Variants in PSMG2 observed in about 807,000 individuals in gnomAD.
PSMG2 encodes proteasome assembly chaperone 2, also known as CD40 ligand-activated specific transcript 3.
In PSMG2, 21 loss-of-function variants were observed where a neutral mutation model predicts 31.5. The ratio of observed to expected loss-of-function variants is 0.67; its 90% CI spans 0.47 to 0.96. The LOEUF (loss-of-function observed/expected upper bound fraction) is 0.96. Ranked by LOEUF, PSMG2 falls within the 40% of genes least tolerant of loss-of-function variation. PSMG2 has a pLI of 0.00. For synonymous variants in PSMG2, 120 were observed against 110.4 expected, an observed-to-expected ratio of 1.09 and a Z score of -0.54; for missense variants, 318 against 321.2, an observed-to-expected ratio of 0.99 and a Z score of 0.08.
intron 1 of PSMG2, 70 bp downstream of exon 1, chr18:12,703,234 GTGTT>G: frequency 1.4e-6 from 2 of 1,475,292 alleles, no homozygotes; most frequent in Non-Finnish European, 1.8e-6. Context: ...CCGACGCGGG[GTGTT>G]TGGCGGTGCC....
In PSMG2 at chr18:12,690,840, T is replaced by C. The variant is rs143072141; in HGVS notation, c.-36-15710T>C. 1.1e-3 allele frequency among the ~76,000 whole-genome samples: 172 copies of C among 152,258 alleles called. 1 individual carries two copies. The highest frequency in any genetic ancestry group is 7.1e-3 in the East Asian group (37 of 5,186). On this transcript the variant is annotated intron_variant, in intron 1 of 6. Transcript: ENST00000585331. Reference sequence around the variant, plus strand: ...AAAAATGGAGGCAGAGATATATAGTTGAAATGCTTCAGTTAAACATTACTG... The same window carrying C: ...AAAAATGGAGGCAGAGATATATAGTCGAAATGCTTCAGTTAAACATTACTG...
At chr18:12,683,986 AATAT>A (rs977564438) in intron 1 of PSMG2, among the ~76,000 whole-genome samples, 1 of 150,292 alleles carries the variant, frequency 6.7e-6, no homozygotes, top group Non-Finnish European at 1.5e-5. Context: ...AAAAAATCTA[AATAT>A]ATATATGATA....
At chr18:12,664,554 AAAAC>A (rs1201704573) in intron 1 of PSMG2, among the ~76,000 whole-genome samples, 1 of 151,912 alleles carries the variant, frequency 6.6e-6, no homozygotes, top group African/African-American at 2.4e-5. Context: ...CGTCTCAAAA[AAAAC>A]AAAATTTGTA....
intron 1 of PSMG2, chr18:12,662,096 G>C: frequency 2.4e-6 from 1 of 425,518 alleles, no homozygotes; most frequent in Non-Finnish European, 4.6e-6. Context: ...GAGTCTTTCA[G>C]GGAGCACCAT....
chr18:12,697,135 A>G, intron 1 of PSMG2: 1 of 982,030 alleles, frequency 1.0e-6, no homozygotes, highest in Non-Finnish European at 1.5e-6. Context: ...TCCCTCTTGG[A>G]TTATAAAAGC....
chr18:12,674,816 T>A, intron 1 of PSMG2: 1 of 1,022,476 alleles, frequency 9.8e-7, no homozygotes. Context: ...ACCAACTAAA[T>A]AAAAATGTTG....
At chr18:12,660,709 G>A (rs910653091) in intron 1 of PSMG2, among the ~76,000 whole-genome samples, 3 of 151,966 alleles carry the variant, frequency 2.0e-5, no homozygotes, top group Non-Finnish European at 2.9e-5. Flanking sequence ...TTGAGAGGGA[G>A]ACATTACTGC....
chr18:12,721,863 A>C (rs958692986), intron 5 of PSMG2, among the ~76,000 whole-genome samples: 3 of 152,074 alleles, frequency 2.0e-5, no homozygotes, highest in African/African-American at 7.2e-5. Flanking sequence ...ATGTGTTTAC[A>C]GCTGTAAATT....
intron 1 of PSMG2, chr18:12,685,555 A>T (rs1449674882): frequency 6.6e-6 from 1 of 152,218 alleles, no homozygotes; most frequent in Non-Finnish European, 1.5e-5. Context: ...GACGTGGTCA[A>T]GCTGATAGCA....
chr18:12,670,981 AC>A (rs1245156276), intron 1 of PSMG2: 2 of 152,164 alleles, frequency 1.3e-5, no homozygotes, highest in Admixed American at 6.6e-5. Context: ...CTAATTTTCT[AC>A]AGTCATGTCA....
intron 1 of PSMG2, among the ~76,000 whole-genome samples, chr18:12,664,117 A>G (rs1407938092): frequency 6.6e-6 from 1 of 151,982 alleles, no homozygotes; most frequent in Non-Finnish European, 1.5e-5. Flanking sequence ...GTGAGCCGAG[A>G]TCGTGCCATT....
At chr18:12,711,061 T>C (rs920053316) in intron 2 of PSMG2, among the ~76,000 whole-genome samples, 2 of 152,032 alleles carry the variant, frequency 1.3e-5, no homozygotes, top group Non-Finnish European at 2.9e-5. Context: ...GATCACACCA[T>C]TGTACTCCAG....
chr18:12,686,963 T>G (rs1177686444), intron 1 of PSMG2, among the ~76,000 whole-genome samples: 1 of 152,184 alleles, frequency 6.6e-6, no homozygotes, highest in African/African-American at 2.4e-5. Flanking sequence ...CCAAGTCAAT[T>G]GAAAGCAAAA....
At chr18:12,702,632 G>C (rs1015507977), upstream of PSMG2, 30 of 1,438,068 alleles carry the variant, frequency 2.1e-5, no homozygotes, top group African/African-American at 4.2e-4. Flanking sequence ...GGAGCGTTAG[G>C]AGCGACTGGA....
intron 2 of PSMG2, among the ~76,000 whole-genome samples, chr18:12,707,000 G>A (rs1415786923): frequency 6.6e-6 from 1 of 152,032 alleles, no homozygotes; most frequent in Admixed American, 6.5e-5. Context: ...CTCTTGCCCA[G>A]GCTGGAGTGC....
At chr18:12,703,029 G>A, upstream of PSMG2, 3 of 1,519,418 alleles carry the variant, frequency 2.0e-6, no homozygotes, top group South Asian at 3.6e-5. Flanking sequence ...AGGCTCCGGG[G>A]TCTCGGGCTT....
chr18:12,700,477 T>A (rs2040113511), upstream of PSMG2: 1 of 153,430 alleles, frequency 6.5e-6, no homozygotes, highest in Non-Finnish European at 1.5e-5. Flanking sequence ...ACTGAGAGAC[T>A]ATCATCCCAT....
upstream of PSMG2, chr18:12,702,416 G>C (rs772648012): frequency 2.7e-5 from 33 of 1,244,198 alleles, no homozygotes; most frequent in Non-Finnish European, 3.8e-5. Context: ...CTGTCGGCCC[G>C]GGGCCGCCGG....
chr18:12,663,901 A>T (rs1224161208), intron 1 of PSMG2, among the ~76,000 whole-genome samples: 1 of 152,166 alleles, frequency 6.6e-6, no homozygotes, highest in African/African-American at 2.4e-5. Flanking sequence ...ACAGTGGTTT[A>T]TGCCTGTAAT....
Sources: allele counts gnomAD v4.1 joint callset (sites outside exome capture counted in the v4.1 genomes callset), GRCh38; gene constraint gnomAD v4.1.1; transcripts MANE v1.5; gene names NCBI Gene and HGNC (gene_info 2026-07-23, HGNC 2026-07-21).